Variants in H4C2 observed in about 807,000 individuals in gnomAD.
The protein encoded by H4C2 is histone H4.
A neutral mutation model predicts 5.0 loss-of-function variants in H4C2; 8 were observed. The ratio of observed to expected loss-of-function variants is 1.61; its 90% CI spans 0.94 to 2.90. The LOEUF (loss-of-function observed/expected upper bound fraction) is 2.90, where lower values mean the gene tolerates loss of function less well. H4C2 is among the 30% of genes most tolerant of loss of function. H4C2 has a pLI of 0.00. For synonymous variants in H4C2, 145 were observed against 54.0 expected (o/e 2.69, Z -7.39); for missense variants, 267 against 145.6 (o/e 1.83, Z -4.29).
chr6:26,027,179 T>G lies in H4C2; in HGVS notation c.74A>C (p.Asp25Ala). The G allele has an allele frequency of 1.2e-6, 2 of 1,614,204 alleles. No individual in the cohort carries two copies. Among genetic ancestry groups the G allele is most frequent in the Non-Finnish European group, 1.7e-6 (2 of 1,180,012 alleles). ...GAKRHRKVLR[D>A]NIQGITKPAI... ...CGGTTTGGTGATGCCTTGGATGTTATCCCGCAGCACTTTTCGGTGACGCTT... is the reference window on the plus strand; with the variant it reads ...CGGTTTGGTGATGCCTTGGATGTTAGCCCGCAGCACTTTTCGGTGACGCTT... Residue 25 changes from aspartate (D) to alanine (A), a missense_variant, in exon 1 of 1, where the codon GAT becomes GCT. Transcript: ENST00000377745.
chr6:26,026,937 A>G lies in H4C2; in HGVS notation c.*4T>C, dbSNP rs1337153383. On this transcript the variant is annotated 3_prime_UTR_variant, in exon 1 of 1. Transcript: ENST00000377745. Reference sequence around the variant, plus strand: ...GGGCCATTGGAAGAAAACTGACGAAAAGATTAACCGCCGAAGCCGTACAGA... The same window carrying G: ...GGGCCATTGGAAGAAAACTGACGAAGAGATTAACCGCCGAAGCCGTACAGA... The G allele has an allele frequency of 8.7e-6, 14 of 1,602,962 alleles. No homozygotes were observed. Among genetic ancestry groups the G allele is most frequent in the South Asian group, 2.2e-5 (2 of 89,804 alleles).
In H4C2 at chr6:26,026,916, C is replaced by T. The variant is rs1438939170; in HGVS notation, c.*25G>A. 3 of 1,583,890 alleles carry T rather than the reference C, an allele frequency of 1.9e-6. No individual in the cohort carries two copies. The highest frequency in any genetic ancestry group is 1.2e-5 in the South Asian group (1 of 86,366). On this transcript the variant is annotated 3_prime_UTR_variant, in exon 1 of 1. Coordinates refer to ENST00000377745, the MANE Select transcript of H4C2 (RefSeq NM_003544.3). ...GGGAGTGGGCGGCCCTGAAAAGGGC[C>T]ATTGGAAGAAAACTGACGAAAAGAT...
At position 26,026,993 on chromosome 6, in the gene H4C2, ACATCCATGG is replaced by A. The variant is rs776057506; in HGVS notation, c.251_259del (p.Ala84_Asp86del). On this transcript the variant is annotated inframe_deletion, in exon 1 of 1. Transcript: ENST00000377745. ...TCCTTGACGCTTGAGCGCGTAAACC[ACATCCATGG>A]CAGTGACAGTCTTGCGCTTGGCGTG... 4 of 1,614,198 alleles carry A rather than the reference ACATCCATGG, an allele frequency of 2.5e-6. No homozygotes were observed.
In H4C2 at chr6:26,027,050, C is replaced by A; in HGVS notation, c.203G>T (p.Arg68Leu). The A allele has an allele frequency of 6.2e-7, 1 of 1,611,262 alleles. No individual in the cohort carries two copies. The highest frequency in any genetic ancestry group is 1.1e-5 in the South Asian group (1 of 90,726). ...VLKVFLENVI[R>L]DAVTYTEHAK... ...GTGCTCCGTGTAGGTCACGGCGTCC[C>A]GGATCACGTTCTCCAGAAACACCTT... is the stretch of plus-strand genomic sequence containing the variant. Residue 68 changes from arginine (R) to leucine (L), a missense_variant, in exon 1 of 1, where the codon CGG (arginine) becomes CTG (leucine). By Grantham distance (102) the Arg-to-Leu change is moderately radical. Coordinates refer to ENST00000377745, the MANE Select transcript of H4C2 (RefSeq NM_003544.3).
chr6:26,027,257 A>T lies in H4C2; in HGVS notation c.-5T>A. 6.3e-7 allele frequency: 1 copy of T among 1,592,644 alleles called. No individual in the cohort carries two copies. The highest frequency in any genetic ancestry group is 1.1e-5 in the South Asian group (1 of 90,490). The stretch of plus-strand genomic sequence containing the variant: ...GCCTTTGCCGCGACCAGACATGTCT[A>T]ACCAGCTGACAACAAAAACCAGGTA... On this transcript the variant is annotated 5_prime_UTR_variant, in exon 1 of 1. Coordinates refer to ENST00000377745, the MANE Select transcript of H4C2 (RefSeq NM_003544.3).
In H4C2 at chr6:26,026,953, G is replaced by A. The variant is rs368805598; in HGVS notation, c.300C>T (p.Gly100=). 2.0e-5 allele frequency: 33 copies of A among 1,611,824 alleles called. No homozygotes were observed. The highest frequency in any genetic ancestry group is 5.5e-5 in the South Asian group (5 of 90,860). ...ACTGACGAAAAGATTAACCGCCGAA[G>A]CCGTACAGAGTGCGTCCTTGACGCT... is the stretch of plus-strand genomic sequence containing the variant. The part of the protein sequence containing the change: ...ALKRQGRTLY[G]FGG Residue 100 remains glycine, a synonymous_variant, in exon 1 of 1, where the codon GGC becomes GGT. Coordinates refer to ENST00000377745, the MANE Select transcript of H4C2 (RefSeq NM_003544.3).
Position 26,027,049 on chromosome 6 carries a change from C to G in H4C2, c.204G>C (p.Arg68=). 1 of 1,613,984 alleles carries G rather than the reference C, an allele frequency of 6.2e-7. No homozygotes were observed. The highest frequency in any genetic ancestry group is 8.5e-7 in the Non-Finnish European group (1 of 1,179,986). Residue 68 remains arginine (R), a synonymous_variant, in exon 1 of 1, where the codon CGG becomes CGC. Transcript: ENST00000377745. The stretch of plus-strand genomic sequence containing the variant: ...CGTGCTCCGTGTAGGTCACGGCGTC[C>G]CGGATCACGTTCTCCAGAAACACCT... ...VLKVFLENVI[R]DAVTYTEHAK...
At position 26,026,940 on chromosome 6, in the gene H4C2, A is replaced by AT; in HGVS notation, c.312dup. On this transcript the variant is annotated 3_prime_UTR_variant, in exon 1 of 1. Coordinates refer to ENST00000377745, the MANE Select transcript of H4C2 (RefSeq NM_003544.3). ...CCATTGGAAGAAAACTGACGAAAAG[A>AT]TTAACCGCCGAAGCCGTACAGAGTG... is the stretch of plus-strand genomic sequence containing the variant. 6 of 1,605,212 alleles carry AT rather than the reference A, an allele frequency of 3.7e-6. No individual in the cohort carries two copies. The highest frequency in any genetic ancestry group is 5.1e-6 in the Non-Finnish European group (6 of 1,174,716).
Position 26,027,192 on chromosome 6 carries a change from T to C in H4C2, c.61A>G (p.Lys21Glu), listed in dbSNP as rs760381892. 16 of 1,614,026 alleles carry C rather than the reference T, an allele frequency of 9.9e-6. No homozygotes were observed. The highest frequency in any genetic ancestry group is 1.3e-5 in the African/African-American group (1 of 74,938). ...LGKGGAKRHRKVLRDNIQGIT... is the reference protein window; with the variant it reads ...LGKGGAKRHREVLRDNIQGIT... ...CCTTGGATGTTATCCCGCAGCACTT[T>C]TCGGTGACGCTTGGCACCTCCCTTA... Residue 21 changes from lysine (K) to glutamate (E), a missense_variant, in exon 1 of 1, where the codon AAA becomes GAA. Physicochemically the swap from Lys to Glu is moderately conservative, Grantham distance 56. Coordinates refer to ENST00000377745, the MANE Select transcript of H4C2 (RefSeq NM_003544.3).
At position 26,026,974 on chromosome 6, in the gene H4C2, A is replaced by C. The variant is rs150550889; in HGVS notation, c.279T>G (p.Arg93=). The C allele has an allele frequency of 2.5e-3, 4,074 of 1,613,972 alleles. 12 individuals carry two copies. The Middle Eastern group carries it at 0.026, about 10-fold the overall frequency. The change falls in exon 1 of 1, where the codon CGT becomes CGG. Residue 93 remains arginine, a synonymous_variant. Coordinates refer to ENST00000377745, the MANE Select transcript of H4C2 (RefSeq NM_003544.3). ...CGAAGCCGTACAGAGTGCGTCCTTG[A>C]CGCTTGAGCGCGTAAACCACATCCA... The part of the protein sequence containing the change: ...TAMDVVYALK[R]QGRTLYGFGG
At position 26,027,211 on chromosome 6, in the gene H4C2, T is replaced by G. The variant is rs776276032; in HGVS notation, c.42A>C (p.Gly14=). Residue 14 remains glycine, a synonymous_variant, in exon 1 of 1, where the codon GGA becomes GGC. Coordinates refer to ENST00000377745, the MANE Select transcript of H4C2 (RefSeq NM_003544.3). ...GCACTTTTCGGTGACGCTTGGCACCTCCCTTACCCAAACCTTTACCGCCTT... is the reference window on the plus strand; with the variant it reads ...GCACTTTTCGGTGACGCTTGGCACCGCCCTTACCCAAACCTTTACCGCCTT... ...RGKGGKGLGK[G]GAKRHRKVLR... is the part of the protein sequence containing the mutation. The G allele has an allele frequency of 1.2e-6, 2 of 1,612,226 alleles. No homozygotes were observed. Among genetic ancestry groups the G allele is most frequent in the Non-Finnish European group, 8.5e-7 (1 of 1,178,366 alleles).
rs574251003 is a variant in H4C2, at chr6:26,027,214, CTTACCCAAACCT to C, written c.27_38del (p.Leu11_Gly14del). On this transcript the variant is annotated inframe_deletion, in exon 1 of 1. Coordinates refer to ENST00000377745, the MANE Select transcript of H4C2 (RefSeq NM_003544.3). ...CTTTTCGGTGACGCTTGGCACCTCC[CTTACCCAAACCT>C]TTACCGCCTTTGCCGCGACCAGACA... 41 of 1,612,040 alleles carry C rather than the reference CTTACCCAAACCT, an allele frequency of 2.5e-5. No individual in the cohort carries two copies. The highest frequency in any genetic ancestry group is 3.3e-5 in the Non-Finnish European group (39 of 1,178,320).
At position 26,027,022 on chromosome 6, in the gene H4C2, G is replaced by C; in HGVS notation, c.231C>G (p.Ala77=). The C allele has an allele frequency of 6.2e-7, 1 of 1,614,180 alleles. No homozygotes were observed. Among genetic ancestry groups the C allele is most frequent in the Non-Finnish European group, 8.5e-7 (1 of 1,180,022 alleles). ...CCATGGCAGTGACAGTCTTGCGCTT[G>C]GCGTGCTCCGTGTAGGTCACGGCGT... ...IRDAVTYTEH[A]KRKTVTAMDV... Residue 77 remains alanine, a synonymous_variant, in exon 1 of 1, where the codon GCC becomes GCG. Coordinates refer to ENST00000377745, the MANE Select transcript of H4C2 (RefSeq NM_003544.3).
rs772401436 is a variant in H4C2 at position 26,027,267 on chromosome 6, C to T, written c.-15G>A. 4.3e-5 allele frequency: 68 copies of T among 1,583,200 alleles called. No individual in the cohort carries two copies. Among genetic ancestry groups the T allele is most frequent in the African/African-American group, 6.8e-5 (5 of 73,944 alleles). On this transcript the variant is annotated 5_prime_UTR_variant, in exon 1 of 1. Coordinates refer to ENST00000377745, the MANE Select transcript of H4C2 (RefSeq NM_003544.3). ...CGACCAGACATGTCTAACCAGCTGA[C>T]AACAAAAACCAGGTACGCGAAAAGA...
rs1761353996 is a variant in H4C2 at position 26,027,153 on chromosome 6, C to T, written c.100G>A (p.Ala34Thr). ...CCACGCCTAGCAAGGCGCCGAATGG[C>T]CGGTTTGGTGATGCCTTGGATGTTA... ...RDNIQGITKP[A>T]IRRLARRGGV... The change falls in exon 1 of 1, where the codon GCC becomes ACC. Residue 34 changes from alanine to threonine, a missense_variant. Physicochemically the swap from Ala to Thr is moderately conservative, Grantham distance 58. Coordinates refer to ENST00000377745, the MANE Select transcript of H4C2 (RefSeq NM_003544.3). The T allele has an allele frequency of 6.2e-7, 1 of 1,614,254 alleles. No individual in the cohort carries two copies. The highest frequency in any genetic ancestry group is 8.5e-7 in the Non-Finnish European group (1 of 1,180,048).
In H4C2 at chr6:26,027,225, C is replaced by T. The variant is rs1761357190; in HGVS notation, c.28G>A (p.Gly10Ser). 3.1e-6 allele frequency: 5 copies of T among 1,607,134 alleles called. No individual in the cohort carries two copies. Among genetic ancestry groups the T allele is most frequent in the African/African-American group, 2.7e-5 (2 of 74,814 alleles). ...CGCTTGGCACCTCCCTTACCCAAAC[C>T]TTTACCGCCTTTGCCGCGACCAGAC... MSGRGKGGK[G>S]LGKGGAKRHR... Residue 10 changes from glycine to serine, a missense_variant, in exon 1 of 1, where the codon GGT becomes AGT. Physicochemically the swap from Gly to Ser is moderately conservative, Grantham distance 56. Coordinates refer to ENST00000377745, the MANE Select transcript of H4C2 (RefSeq NM_003544.3).
Position 26,027,095 on chromosome 6 carries a change from T to A in H4C2, c.158A>T (p.Glu53Val). 1 of 1,614,136 alleles carries A rather than the reference T, an allele frequency of 6.2e-7. No individual in the cohort carries two copies. Among genetic ancestry groups the A allele is most frequent in the Non-Finnish European group, 8.5e-7 (1 of 1,180,022 alleles). Residue 53 changes from glutamate to valine, a missense_variant, in exon 1 of 1, where the codon GAG (glutamate) becomes GTG (valine). Physicochemically the swap from Glu to Val is moderately radical, Grantham distance 121. Coordinates refer to ENST00000377745, the MANE Select transcript of H4C2 (RefSeq NM_003544.3). ...GVKRISGLIY[E>V]ETRGVLKVFL... ...CACCTTGAGAACGCCACGAGTCTCC[T>A]CATAAATCAAACCGGAAATTCGCTT...
rs1761358321 is a variant in H4C2 at position 26,027,244 on chromosome 6, A to G, written c.9T>C (p.Gly3=). The G allele has an allele frequency of 2.5e-6, 4 of 1,604,484 alleles. No individual in the cohort carries two copies. Among genetic ancestry groups the G allele is most frequent in the Non-Finnish European group, 3.4e-6 (4 of 1,171,930 alleles). The part of the protein sequence containing the change: MS[G]RGKGGKGLGK... The stretch of plus-strand genomic sequence containing the variant: ...CCAAACCTTTACCGCCTTTGCCGCG[A>G]CCAGACATGTCTAACCAGCTGACAA... The change falls in exon 1 of 1, where the codon GGT becomes GGC. Residue 3 remains glycine (G), a synonymous_variant. Coordinates refer to ENST00000377745, the MANE Select transcript of H4C2 (RefSeq NM_003544.3).
chr6:26,027,205 G>A lies in H4C2; in HGVS notation c.48C>T (p.Ala16=), dbSNP rs3752419. 0.41 allele frequency: 654,668 copies of A among 1,613,568 alleles called. 138,363 individuals carry two copies. Among genetic ancestry groups the A allele is most frequent in the East Asian group, 0.72 (32,174 of 44,844 alleles). ...CCCGCAGCACTTTTCGGTGACGCTTGGCACCTCCCTTACCCAAACCTTTAC... is the reference window on the plus strand; with the variant it reads ...CCCGCAGCACTTTTCGGTGACGCTTAGCACCTCCCTTACCCAAACCTTTAC... The part of the protein sequence containing the change: ...KGGKGLGKGG[A]KRHRKVLRDN... The change falls in exon 1 of 1, where the codon GCC becomes GCT. Residue 16 remains alanine (A), a synonymous_variant. Coordinates refer to ENST00000377745, the MANE Select transcript of H4C2 (RefSeq NM_003544.3).
Sources: allele counts gnomAD v4.1 joint callset, GRCh38; gene constraint gnomAD v4.1.1; transcripts MANE v1.5; gene names NCBI Gene and HGNC (gene_info 2026-07-23, HGNC 2026-07-21).